Variants in COL4A5 observed in about 807,000 individuals in gnomAD.
COL4A5 encodes collagen type IV alpha 5 chain.
COL4A5 carries 26 observed loss-of-function variants against 130.2 expected under a neutral mutation model. That is an observed-to-expected ratio of 0.20 (90% CI 0.15 to 0.28). The LOEUF (loss-of-function observed/expected upper bound fraction) is 0.28, where lower values mean the gene tolerates loss of function less well. COL4A5 is among the 10% of genes least tolerant of loss of function. The probability of loss-of-function intolerance (pLI) is 1.00; values close to 1 mark genes in which losing one functional copy is unlikely to be tolerated. For missense variants in COL4A5, 1,131 were observed against 1,344.3 expected (o/e 0.84, Z 2.48); for synonymous variants, 496 against 439.6 (o/e 1.13, Z -1.60).
chrX:108,578,680 A>T (rs1288368490), intron 13 of COL4A5, among the ~76,000 whole-genome samples: 3 of 98,635 alleles, frequency 3.0e-5, no homozygotes, highest in African/African-American at 7.6e-5. Context: ...GAGATTATTA[A>T]TTTTTTTTTT....
chrX:108,582,257 A>G (rs2066262781), intron 16 of COL4A5, among the ~76,000 whole-genome samples: 1 of 111,150 alleles, frequency 9.0e-6, no homozygotes, highest in East Asian at 2.8e-4. Context: ...TTTTGGAACA[A>G]TTGGTCTTTG....
intron 30 of COL4A5, among the ~76,000 whole-genome samples, chrX:108,616,046 G>T (rs1168996848): frequency 9.0e-6 from 1 of 111,367 alleles, no homozygotes; most frequent in Non-Finnish European, 1.9e-5. Flanking sequence ...ACCTTTTTAT[G>T]GTCCCTGACA....
At chrX:108,455,382 C>A (rs1310003515) in intron 1 of COL4A5, among the ~76,000 whole-genome samples, 2 of 111,886 alleles carry the variant, frequency 1.8e-5, no homozygotes, top group African/African-American at 6.5e-5. Context: ...TGGGCATTTT[C>A]TTGCACTTTA....
At chrX:108,542,857 A>C (rs1285941445) in intron 2 of COL4A5, among the ~76,000 whole-genome samples, 3 of 106,553 alleles carry the variant, frequency 2.8e-5, no homozygotes, top group African/African-American at 1.1e-4. Flanking sequence ...TCTGATGGCC[A>C]GTGATGATGA....
At chrX:108,655,204 A>G in intron 36 of COL4A5, 127 bp from the exon 37 acceptor site, 3 of 719,405 alleles carry the variant, frequency 4.2e-6, no homozygotes, top group Non-Finnish European at 6.3e-6. Context: ...GATTAAATGA[A>G]GCAATTTACA....
At position 108,619,324 on chromosome X, in the gene COL4A5, A is replaced by T. The variant is rs776290753; in HGVS notation, c.2510-935A>T. Among the ~76,000 whole-genome samples the T allele has an allele frequency of 2.7e-5, 3 of 111,646 alleles. No individual in the cohort carries two copies. In the East Asian group the frequency reaches 8.5e-4, roughly 32 times the overall value. ...ATTTAGATCTTATTGTTGAAAGGAGACTTGGAATGATCATCTGGCTCAACC... is the reference window on the plus strand; with the variant it reads ...ATTTAGATCTTATTGTTGAAAGGAGTCTTGGAATGATCATCTGGCTCAACC... On this transcript the variant is annotated intron_variant, in intron 30 of 52. Transcript: ENST00000328300.
intron 36 of COL4A5, among the ~76,000 whole-genome samples, chrX:108,654,844 G>A (rs1174920524): frequency 8.9e-6 from 1 of 112,284 alleles, no homozygotes; most frequent in African/African-American, 3.2e-5. Flanking sequence ...CATGTGTACT[G>A]GAAGCAATGA....
chrX:108,457,295 T>C (rs897154965), intron 1 of COL4A5, among the ~76,000 whole-genome samples: 1 of 112,156 alleles, frequency 8.9e-6, no homozygotes, highest in Non-Finnish European at 1.9e-5. Context: ...TTTTCCTAAG[T>C]GGTTGTACCA....
At chrX:108,496,058 T>G (rs1359955772) in intron 1 of COL4A5, among the ~76,000 whole-genome samples, 1 of 112,332 alleles carries the variant, frequency 8.9e-6, no homozygotes, top group Non-Finnish European at 1.9e-5. Flanking sequence ...AATCGGGATA[T>G]GGATTTGCCT....
At chrX:108,454,248 C>G (rs1029130416) in intron 1 of COL4A5, among the ~76,000 whole-genome samples, 1 of 111,180 alleles carries the variant, frequency 9.0e-6, no homozygotes, top group African/African-American at 3.3e-5. Flanking sequence ...CTTTTCTTTT[C>G]TGTTTTTTGT....
chrX:108,637,101 C>G (rs1160105908), intron 36 of COL4A5, among the ~76,000 whole-genome samples: 1 of 109,243 alleles, frequency 9.2e-6, no homozygotes, highest in African/African-American at 3.3e-5. Context: ...CACCACCATG[C>G]TTAGCTAATT....
At chrX:108,652,607 G>A (rs968638349) in intron 36 of COL4A5, among the ~76,000 whole-genome samples, 13 of 112,380 alleles carry the variant, frequency 1.2e-4, no homozygotes, top group Non-Finnish European at 1.9e-5. Context: ...GGGCAAGCCT[G>A]TAAGTTTATT....
rs754080713 is a variant in COL4A5 at position 108,639,032 on chromosome X, T to C, written c.3246+12683T>C. Among the ~76,000 whole-genome samples the C allele has an allele frequency of 9.0e-5, 10 of 111,066 alleles. No homozygotes were observed. In the East Asian group the frequency reaches 2.8e-3, roughly 31 times the overall value. On this transcript the variant is annotated intron_variant, in intron 36 of 52. Transcript: ENST00000328300. The stretch of plus-strand genomic sequence containing the variant: ...TCAAAACTCCAATGGCATTTTTTTT[T>C]CCAGAAACGAAAAACTTAGTCTAAT...
chrX:108,545,527 A>G (rs1397061965), intron 2 of COL4A5, among the ~76,000 whole-genome samples: 1 of 111,683 alleles, frequency 9.0e-6, no homozygotes, highest in African/African-American at 3.3e-5. Context: ...TTTACTTCCA[A>G]TGATGTGGTC....
At chrX:108,531,600 A>G (rs2065386831) in intron 1 of COL4A5, among the ~76,000 whole-genome samples, 1 of 110,680 alleles carries the variant, frequency 9.0e-6, no homozygotes, top group African/African-American at 3.3e-5. Context: ...AAAAATAGCA[A>G]AGATCAGAGC....
chrX:108,518,189 A>T (rs1351521828), intron 1 of COL4A5, among the ~76,000 whole-genome samples: 1 of 111,249 alleles, frequency 9.0e-6, no homozygotes, highest in African/African-American at 3.3e-5. Context: ...TAATATAGAA[A>T]TCTCATTTAC....
rs1569489306 is a variant in COL4A5, at chrX:108,573,568, T to C, written c.466-6T>C. On this transcript the variant is annotated splice_polypyrimidine_tract_variant and splice_region_variant and intron_variant, in intron 8 of 52. Coordinates refer to ENST00000328300, the MANE Select transcript of COL4A5 (RefSeq NM_033380.3). ...TCTTAGAACTTCCATTGATGGCTTC[T>C]TTTAGGGTGAACCAGGTAGTATAAT... The C allele has an allele frequency of 8.4e-7, 1 of 1,189,671 alleles. No homozygotes were observed. Among genetic ancestry groups the C allele is most frequent in the Non-Finnish European group, 1.1e-6 (1 of 875,281 alleles).
intron 1 of COL4A5, among the ~76,000 whole-genome samples, chrX:108,454,285 G>GT (rs987496408): frequency 3.6e-5 from 4 of 110,920 alleles, no homozygotes; most frequent in African/African-American, 1.3e-4. Flanking sequence ...TTTTTGTTTT[G>GT]TTTTTTGTTT....
intron 47 of COL4A5, among the ~76,000 whole-genome samples, chrX:108,682,424 G>A (rs2068451622): frequency 9.0e-6 from 1 of 111,567 alleles, no homozygotes; most frequent in Admixed American, 9.5e-5. Flanking sequence ...GGGATGGTTG[G>A]GTCAAATGGT....
Sources: gnomAD v4.1 joint callset for allele counts (sites outside exome capture counted in the v4.1 genomes callset) on GRCh38, gnomAD v4.1.1 for gene constraint, MANE v1.5 for transcripts, NCBI Gene and HGNC (gene_info 2026-07-23, HGNC 2026-07-21) for gene names.